Variants in RAVER2 observed in about 807,000 individuals in gnomAD.
RAVER2 encodes ribonucleoprotein, PTB binding 2.
In RAVER2, 46 loss-of-function variants were observed where a neutral mutation model predicts 78.1. The ratio of observed to expected loss-of-function variants is 0.59; its 90% CI spans 0.46 to 0.75. The LOEUF is 0.75. RAVER2 is among the 30% of genes least tolerant of loss of function. The pLI is 0.00. For missense variants in RAVER2, 793 were observed against 837.5 expected (o/e 0.95, Z 0.66); for synonymous variants, 311 against 313.3 (o/e 0.99, Z 0.08).
intron 11 of RAVER2, 56 bp downstream of exon 11, chr1:64,814,896 G>C: frequency 7.4e-7 from 1 of 1,349,452 alleles, no homozygotes; most frequent in Non-Finnish European, 9.9e-7. Flanking sequence ...ACTATATATT[G>C]AGTTCACTGA....
chr1:64,775,771 C>G (rs1652443613), intron 2 of RAVER2, among the ~76,000 whole-genome samples: 2 of 152,106 alleles, frequency 1.3e-5, no homozygotes, highest in South Asian at 4.2e-4. Flanking sequence ...ATAATCCCAG[C>G]ACTTTGGGAG....
rs562917510 is a variant in RAVER2 at position 64,761,608 on chromosome 1, T to C, written c.250-7048T>C. 7.3e-4 allele frequency among the ~76,000 whole-genome samples: 111 copies of C among 152,250 alleles called. 1 individual carries two copies. The highest frequency in any genetic ancestry group is 2.6e-3 in the African/African-American group (108 of 41,562). ...TCTAGAAAAGCCAAAAGCAATCATA[T>C]TCAATGGTGAAATGTTGACAGCTTT... On this transcript the variant is annotated intron_variant, in intron 1 of 11. Coordinates refer to ENST00000294428, the Ensembl canonical transcript of RAVER2.
intron 2 of RAVER2, among the ~76,000 whole-genome samples, chr1:64,775,670 A>T (rs528001488): frequency 1.3e-5 from 2 of 152,198 alleles, no homozygotes; most frequent in Non-Finnish European, 2.9e-5. Context: ...TAGCAAAGGA[A>T]ATAGAAGAAA....
At chr1:64,776,918 T>TAG (rs1226893630) in intron 2 of RAVER2, among the ~76,000 whole-genome samples, 15 of 152,224 alleles carry the variant, frequency 9.9e-5, no homozygotes, top group Non-Finnish European at 1.5e-5. Context: ...TGGAACAACT[T>TAG]CATTAGCTAG....
At chr1:64,783,688 G>A (rs1652699002) in intron 4 of RAVER2, among the ~76,000 whole-genome samples, 1 of 152,092 alleles carries the variant, frequency 6.6e-6, no homozygotes, top group Non-Finnish European at 1.5e-5. Context: ...CCATTCTGTA[G>A]GTTGTCTATT....
At position 64,745,401 on chromosome 1, in the gene RAVER2, C is replaced by T; in HGVS notation, c.229C>T (p.Pro77Ser). 1 of 1,537,210 alleles carries T rather than the reference C, an allele frequency of 6.5e-7. No homozygotes were observed. The highest frequency in any genetic ancestry group is 8.8e-7 in the Non-Finnish European group (1 of 1,139,310). ...CAGGAAAATCCTGGTGAAAAACCTG[C>T]CCCAGGACAGCAACTGCCAGGTACT... Residue 77 changes from proline to serine, a missense_variant, in exon 1 of 12, where the codon CCC becomes TCC. Transcript: ENST00000294428. This position sits in a 1 kb window ranked among gnomAD's most constrained non-coding sequence, Gnocchi z 4.3.
intron 9 of RAVER2, among the ~76,000 whole-genome samples, chr1:64,810,236 C>T (rs1334495138): frequency 2.6e-5 from 4 of 152,186 alleles, no homozygotes; most frequent in Non-Finnish European, 4.4e-5. Context: ...CTTGCCAACG[C>T]TTGTTTTCTG....
intron 5 of RAVER2, among the ~76,000 whole-genome samples, chr1:64,798,420 G>C (rs903001756): frequency 6.8e-6 from 1 of 146,684 alleles, no homozygotes; most frequent in African/African-American, 2.5e-5. Flanking sequence ...ATGATTTATA[G>C]TCCTTTGGGT....
intron 1 of RAVER2, among the ~76,000 whole-genome samples, chr1:64,761,573 A>C (rs551124323): frequency 6.6e-6 from 1 of 152,210 alleles, no homozygotes; most frequent in Admixed American, 6.5e-5. Context: ...TTCTTCAGAC[A>C]TAAAGATTAT....
chr1:64,807,448 C>T, exon 9 of RAVER2: 1 of 1,613,840 alleles, frequency 6.2e-7, no homozygotes, highest in Non-Finnish European at 8.5e-7. Flanking sequence ...GCAAAGCCAG[C>T]CAAAAGGCAC....
At chr1:64,815,759 A>C (rs531052048) in intron 11 of RAVER2, 1 of 152,360 alleles carries the variant, frequency 6.6e-6, no homozygotes, top group South Asian at 2.1e-4. Flanking sequence ...AAACAGCCCA[A>C]GTTCTGTAAA....
intron 6 of RAVER2, among the ~76,000 whole-genome samples, chr1:64,804,145 A>C (rs1431088961): frequency 6.6e-6 from 1 of 151,970 alleles, no homozygotes; most frequent in Non-Finnish European, 1.5e-5. Context: ...AACATCACCT[A>C]ATTCCCTCCC....
chr1:64,779,952 A>G (rs1410961070), intron 3 of RAVER2, among the ~76,000 whole-genome samples: 2 of 152,064 alleles, frequency 1.3e-5, no homozygotes, highest in African/African-American at 4.8e-5. Context: ...AATGGCTCTC[A>G]TATTGAACTG....
At chr1:64,767,124 C>A (rs1163089787) in intron 1 of RAVER2, among the ~76,000 whole-genome samples, 1 of 151,850 alleles carries the variant, frequency 6.6e-6, no homozygotes, top group Non-Finnish European at 1.5e-5. Context: ...TTTTTTCACT[C>A]AGCTTTGTTT....
At chr1:64,750,061 G>T (rs569216884) in intron 1 of RAVER2, among the ~76,000 whole-genome samples, 1 of 152,194 alleles carries the variant, frequency 6.6e-6, no homozygotes, top group African/African-American at 2.4e-5. Flanking sequence ...CAACATTCAG[G>T]ATCAGTAATA....
chr1:64,780,244 G>A (rs189764392), intron 3 of RAVER2, among the ~76,000 whole-genome samples: 23 of 152,248 alleles, frequency 1.5e-4, no homozygotes, highest in African/African-American at 5.1e-4. Context: ...TGATTAATTA[G>A]TGGCTTTTAC....
intron 4 of RAVER2, among the ~76,000 whole-genome samples, chr1:64,783,377 A>G (rs1052158410): frequency 1.3e-5 from 2 of 152,130 alleles, no homozygotes; most frequent in Admixed American, 6.5e-5. Flanking sequence ...ATTTCTCCAC[A>G]TCCTCTCTAG....
In RAVER2 at chr1:64,812,857, G is replaced by C. The variant is rs550311743; in HGVS notation, c.1792+8G>C. 21 of 1,555,160 alleles carry C rather than the reference G, an allele frequency of 1.4e-5. No individual in the cohort carries two copies. Among genetic ancestry groups the C allele is most frequent in the Non-Finnish European group, 1.7e-5 (19 of 1,140,898 alleles). On this transcript the variant is annotated splice_region_variant and intron_variant, in intron 10 of 11. Transcript: ENST00000294428. ...CCAGTGTGTGCTTATCATGTAAGTA[G>C]GGGCTCAGTATTCTTGTTGTGGAGT...
chr1:64,814,011 C>T (rs1305222878), intron 10 of RAVER2, among the ~76,000 whole-genome samples: 2 of 151,918 alleles, frequency 1.3e-5, no homozygotes, highest in Non-Finnish European at 2.9e-5. Context: ...GCAGCCTACA[C>T]CTCCTGGGCT....
Sources: gnomAD v4.1 joint callset for allele counts (sites outside exome capture counted in the v4.1 genomes callset) on GRCh38, gnomAD v4.1.1 for gene constraint, Gnocchi (gnomAD v3.1) non-coding constraint, MANE v1.5 for transcripts, NCBI Gene and HGNC (gene_info 2026-07-23, HGNC 2026-07-21) for gene names.